Variants in RMC1 observed in about 807,000 individuals in gnomAD.
RMC1 encodes the protein regulator of MON1-CCZ1 complex.
In RMC1, 44 loss-of-function variants were observed where a neutral mutation model predicts 95.5. That is an observed-to-expected ratio of 0.46 (90% confidence interval 0.36 to 0.59). RMC1 has a LOEUF of 0.59. Among genes scored for constraint, RMC1 ranks in the 20% least tolerant of loss-of-function variants. RMC1 has a pLI of 0.00. For synonymous variants in RMC1, 320 were observed against 303.6 expected, an observed-to-expected ratio of 1.05 and a Z score of -0.56; for missense variants, 705 against 819.6, an observed-to-expected ratio of 0.86 and a Z score of 1.71.
At chr18:23,525,774 C>CG (rs2058281621) in intron 12 of RMC1, among the ~76,000 whole-genome samples, 1 of 152,144 alleles carries the variant, frequency 6.6e-6, no homozygotes, top group Admixed American at 6.5e-5. Context: ...CCCTGTGTCT[C>CG]TAATACCTCG....
In RMC1 at chr18:23,509,219, C is replaced by A; in HGVS notation, c.348C>A (p.Phe116Leu). ...CTAAGAATGCCAACATTCTAGGATT[C>A]TGCTGGACTAGTTCAACTGAAATTG... Reference protein sequence around the residue: ...CKTKNANILGFCWTSSTEIVF... With the variant: ...CKTKNANILGLCWTSSTEIVF... The change falls in exon 5 of 20, where the codon TTC becomes TTA. Residue 116 changes from phenylalanine to leucine, a missense_variant. Physicochemically the swap from Phe to Leu is conservative, Grantham distance 22. Coordinates refer to ENST00000269221, the MANE Select transcript of RMC1 (RefSeq NM_013326.5). 1 of 1,454,290 alleles carries A rather than the reference C, an allele frequency of 6.9e-7. No homozygotes were observed. The highest frequency in any genetic ancestry group is 9.1e-7 in the Non-Finnish European group (1 of 1,101,044). The allele number at this position is 1,454,290 out of a possible 1,614,324, so 90.1% of individuals were successfully genotyped here. A position where few individuals can be genotyped will look rare whatever the true frequency, so the allele number is the denominator to read the frequency against.
intron 13 of RMC1, 133 bp from the exon 14 acceptor site, chr18:23,527,662 A>T: frequency 5.6e-6 from 1 of 177,412 alleles, no homozygotes; most frequent in South Asian, 9.2e-5. Context: ...CAGGTCTTTA[A>T]AGTAGAGTGT....
chr18:23,507,984 G>A lies in RMC1; in HGVS notation c.265-1G>A. ...GTGTGTCTGTGTGTTTTTCCTTTCA[G>A]GATTTTTGTAATTTTATCCCTGATA... On this transcript the variant is annotated splice_acceptor_variant, in intron 3 of 19. Transcript: ENST00000269221. LOFTEE classifies it high-confidence loss of function. 6.2e-7 allele frequency: 1 copy of A among 1,610,122 alleles called. No homozygotes were observed. The highest frequency in any genetic ancestry group is 1.3e-5 in the African/African-American group (1 of 74,940).
rs180967943 is a variant in RMC1 at position 23,517,451 on chromosome 18, C to T, written c.653+1028C>T. ...GCGTGAGCCACCACGCCTGGCAGTA[C>T]GGAGGTATATTTTCATTTGAAAAAG... On this transcript the variant is annotated intron_variant, in intron 7 of 19. Transcript: ENST00000269221. Among the ~76,000 whole-genome samples the T allele has an allele frequency of 4.6e-5, 7 of 152,036 alleles. No homozygotes were observed. In the East Asian group the frequency reaches 7.8e-4, roughly 17 times the overall value.
chr18:23,513,033 A>AG (rs2057904746), intron 5 of RMC1, among the ~76,000 whole-genome samples: 1 of 152,044 alleles, frequency 6.6e-6, no homozygotes, highest in Admixed American at 6.5e-5. Flanking sequence ...AGCTCACTGC[A>AG]ACCTCTGTCT....
At chr18:23,516,924 C>T (rs1174208303) in intron 7 of RMC1, among the ~76,000 whole-genome samples, 3 of 151,936 alleles carry the variant, frequency 2.0e-5, no homozygotes, top group Admixed American at 6.6e-5. Context: ...CAGGGCTTCA[C>T]CATGTTGGCC....
intron 5 of RMC1, among the ~76,000 whole-genome samples, chr18:23,509,895 C>T (rs756593085): frequency 6.7e-6 from 1 of 148,630 alleles, no homozygotes; most frequent in Non-Finnish European, 1.5e-5. Context: ...GAGACGAAGT[C>T]TTGCTATGTT....
At chr18:23,508,462 T>C (rs2057768165) in intron 4 of RMC1, among the ~76,000 whole-genome samples, 1 of 152,210 alleles carries the variant, frequency 6.6e-6, no homozygotes, top group African/African-American at 2.4e-5. Flanking sequence ...CTTTGTCTTG[T>C]CCTTACTCTT....
chr18:23,517,281 C>T (rs1286485337), intron 7 of RMC1, among the ~76,000 whole-genome samples: 1 of 151,884 alleles, frequency 6.6e-6, no homozygotes, highest in Non-Finnish European at 1.5e-5. Context: ...TCCCGAGTAG[C>T]TGGGACTACA....
At position 23,515,863 on chromosome 18, in the gene RMC1, C is replaced by G. The variant is rs1180632068; in HGVS notation, c.416C>G (p.Pro139Arg). Residue 139 changes from proline to arginine, a missense_variant, in exon 6 of 20, where the codon CCA (proline) becomes CGA (arginine). Physicochemically the swap from Pro to Arg is moderately radical, Grantham distance 103. Transcript: ENST00000269221. ...DQGIEFYQVL[P>R]EKRSLKLLKS... The stretch of plus-strand genomic sequence containing the variant: ...TCTTAAACTCTGCTTCAGGTATTAC[C>G]AGAGAAACGGAGTCTGAAACTCTTG... 4 of 1,614,076 alleles carry G rather than the reference C, an allele frequency of 2.5e-6. No homozygotes were observed.
chr18:23,529,478 G>A, intron 15 of RMC1, 157 bp from the exon 16 acceptor site: 1 of 1,244,384 alleles, frequency 8.0e-7, no homozygotes, highest in Non-Finnish European at 1.1e-6. Context: ...AAGCATAATT[G>A]TTGACGGGTG....
intron 19 of RMC1, among the ~76,000 whole-genome samples, chr18:23,530,968 A>G (rs771302530): frequency 6.6e-6 from 1 of 152,112 alleles, no homozygotes; most frequent in Non-Finnish European, 1.5e-5. Flanking sequence ...TTAAGGTTTC[A>G]GTTTTATGAA....
Position 23,529,157 on chromosome 18 carries a change from G to T in RMC1, c.1297-22G>T, listed in dbSNP as rs556198961. 2.5e-5 allele frequency: 40 copies of T among 1,605,400 alleles called. No individual in the cohort carries two copies. In the East Asian group the frequency reaches 8.3e-4, roughly 33 times the overall value. The stretch of plus-strand genomic sequence containing the variant: ...TTCCTCTAAGATGCCGAAGATCATA[G>T]TTTGTGGTTTTTTTCTTTCAGGCGG... On this transcript the variant is annotated intron_variant, in intron 14 of 19. Transcript: ENST00000269221.
chr18:23,531,386 A>C, intron 19 of RMC1: 1 of 681,456 alleles, frequency 1.5e-6, no homozygotes, highest in Non-Finnish European at 2.2e-6. Context: ...TTCTAGGTCT[A>C]TTTCTAGCTC....
chr18:23,520,149 A>T, intron 9 of RMC1, 53 bp from the exon 10 acceptor site: 1 of 1,407,502 alleles, frequency 7.1e-7, no homozygotes, highest in Non-Finnish European at 1.0e-6. Context: ...AATGAAAGCA[A>T]CTGGGCAAAC....
rs749785444 is a variant in RMC1 at position 23,526,749 on chromosome 18, G to A, written c.1173G>A (p.Leu391=). The change falls in exon 13 of 20, where the codon CTG becomes CTA. Residue 391 remains leucine, a synonymous_variant. Coordinates refer to ENST00000269221, the MANE Select transcript of RMC1 (RefSeq NM_013326.5). The stretch of plus-strand genomic sequence containing the variant: ...GAAAGGAATGCAAGATGGTCATCCT[G>A]TCTGTCTGTTCACAGAGTAAGTTGA... ...LQRKECKMVI[L]SVCSQMLSES... The A allele has an allele frequency of 1.2e-6, 2 of 1,614,046 alleles. No homozygotes were observed. The highest frequency in any genetic ancestry group is 1.7e-5 in the Admixed American group (1 of 60,014).
intron 12 of RMC1, among the ~76,000 whole-genome samples, chr18:23,525,748 G>A (rs1395254830): frequency 6.6e-6 from 1 of 152,062 alleles, no homozygotes; most frequent in Non-Finnish European, 1.5e-5. Flanking sequence ...GTAGAGACAG[G>A]GTCTTGCCAT....
chr18:23,515,758 C>T, intron 5 of RMC1, 98 bp from the exon 6 acceptor site: 1 of 1,444,258 alleles, frequency 6.9e-7, no homozygotes, highest in East Asian at 2.3e-5. Flanking sequence ...GTCTCGAACT[C>T]CTGACCTCAG....
intron 12 of RMC1, 131 bp downstream of exon 12, chr18:23,524,613 T>A: frequency 1.2e-6 from 1 of 838,394 alleles, no homozygotes; most frequent in African/African-American, 2.1e-5. Flanking sequence ...GGAATGGGAT[T>A]TTTTTTTTTC....
Sources: gnomAD v4.1 joint callset for allele counts (sites outside exome capture counted in the v4.1 genomes callset) on GRCh38, gnomAD v4.1.1 for gene constraint, MANE v1.5 for transcripts, NCBI Gene and HGNC (gene_info 2026-07-23, HGNC 2026-07-21) for gene names.